Variants in LARS2 observed in about 807,000 individuals in gnomAD.
The protein encoded by LARS2 is leucyl-tRNA synthetase 2, mitochondrial.
LARS2 carries 81 observed loss-of-function variants against 116.6 expected under a neutral mutation model. The ratio of observed to expected loss-of-function variants is 0.69; its 90% CI spans 0.58 to 0.84. The LOEUF (loss-of-function observed/expected upper bound fraction) is 0.84, where lower values mean the gene tolerates loss of function less well. LARS2 is among the 40% of genes least tolerant of loss of function. The probability of loss-of-function intolerance (pLI) is 0.00; values close to 1 mark genes in which losing one functional copy is unlikely to be tolerated. For missense variants in LARS2, 968 were observed against 1,114.5 expected (o/e 0.87, Z 1.87); for synonymous variants, 396 against 407.2 (o/e 0.97, Z 0.33).
intron 7 of LARS2, among the ~76,000 whole-genome samples, chr3:45,451,397 A>T (rs1699125519): frequency 1.3e-5 from 2 of 151,252 alleles, no homozygotes; most frequent in South Asian, 4.2e-4. Flanking sequence ...AAAAATGGGG[A>T]TTTAGTTTCA....
At chr3:45,498,273 A>G (rs1432196897) in intron 14 of LARS2, among the ~76,000 whole-genome samples, 2 of 152,236 alleles carry the variant, frequency 1.3e-5, no homozygotes, top group Admixed American at 6.5e-5. Flanking sequence ...GACACACTGT[A>G]GTTAGCTTCA....
chr3:45,485,302 C>T (rs1699786048), intron 10 of LARS2, among the ~76,000 whole-genome samples: 1 of 152,196 alleles, frequency 6.6e-6, no homozygotes, highest in South Asian at 2.1e-4. Flanking sequence ...CTCTCCACTT[C>T]CATCTTCAAG....
At chr3:45,462,768 G>T (rs1699354359) in intron 8 of LARS2, among the ~76,000 whole-genome samples, 1 of 152,170 alleles carries the variant, frequency 6.6e-6, no homozygotes, top group Non-Finnish European at 1.5e-5. Context: ...GTCTTCTTGG[G>T]CGCATGGCTG....
rs892045700 is a variant in LARS2, at chr3:45,399,804, C to G, written c.235-441C>G. Among the ~76,000 whole-genome samples the G allele has an allele frequency of 5.3e-5, 8 of 151,896 alleles. No homozygotes were observed. The South Asian group carries it at 1.0e-3, about 20-fold the overall frequency. On this transcript the variant is annotated intron_variant, in intron 3 of 21. Coordinates refer to ENST00000645846, the MANE Select transcript of LARS2 (RefSeq NM_015340.4). ...CTTCACCCCCCTTTCCACCCTTCCC[C>G]CAAAGTCCCCAAAGTCCATTGTATC...
At chr3:45,448,660 T>C (rs1699060991) in intron 7 of LARS2, among the ~76,000 whole-genome samples, 1 of 152,224 alleles carries the variant, frequency 6.6e-6, no homozygotes, top group Admixed American at 6.5e-5. Context: ...GTATCCCTTA[T>C]GGGAAAGGAA....
At chr3:45,498,418 C>A (rs144688035) in intron 14 of LARS2, among the ~76,000 whole-genome samples, 1 of 152,364 alleles carries the variant, frequency 6.6e-6, no homozygotes, top group African/African-American at 2.4e-5. Flanking sequence ...ACTTTCCTTT[C>A]TTTTCTGTCG....
In LARS2 at chr3:45,444,171, A is replaced by ATTT. The variant is rs71095037; in HGVS notation, c.517-2707_517-2705dup. Among the ~76,000 whole-genome samples the ATTT allele has an allele frequency of 8.7e-3, 1,155 of 132,034 alleles. 15 individuals carry two copies. The highest frequency in any genetic ancestry group is 0.017 in the South Asian group (66 of 3,804). 86.6% of individuals were successfully genotyped at this position (132,034 alleles called of 152,430 possible). On this transcript the variant is annotated intron_variant, in intron 6 of 21. Coordinates refer to ENST00000645846, the MANE Select transcript of LARS2 (RefSeq NM_015340.4). Reference sequence around the variant, plus strand: ...AGGTGCCCACCACCATTCCTGGCTAATTTTTTTTTTTTTTTGTATTTTTAG... The same window carrying ATTT: ...AGGTGCCCACCACCATTCCTGGCTAATTTTTTTTTTTTTTTTTTGTATTTTTAG...
intron 7 of LARS2, among the ~76,000 whole-genome samples, chr3:45,449,305 G>A (rs1041613814): frequency 3.7e-4 from 56 of 152,024 alleles, no homozygotes; most frequent in African/African-American, 1.3e-3. Context: ...TGGGATTACA[G>A]GCATGCGCCA....
chr3:45,483,200 C>T (rs1699735932), intron 10 of LARS2, among the ~76,000 whole-genome samples: 1 of 152,184 alleles, frequency 6.6e-6, no homozygotes, highest in African/African-American at 2.4e-5. Flanking sequence ...GTATGTCTGT[C>T]CATGTGCCGT....
Position 45,424,662 on chromosome 3 carries a change from A to G in LARS2, c.516+4933A>G, listed in dbSNP as rs993030516. Among the ~76,000 whole-genome samples the G allele has an allele frequency of 4.6e-5, 7 of 152,128 alleles. No individual in the cohort carries two copies. In the East Asian group the frequency reaches 9.6e-4, roughly 21 times the overall value. Reference sequence around the variant, plus strand: ...TAGTAATCCTTCCATCTGTATTTTGATGCTTGTTTTTTTATTCTTTTCTTC... The same window carrying G: ...TAGTAATCCTTCCATCTGTATTTTGGTGCTTGTTTTTTTATTCTTTTCTTC... On this transcript the variant is annotated intron_variant, in intron 6 of 21. Coordinates refer to ENST00000645846, the MANE Select transcript of LARS2 (RefSeq NM_015340.4).
At chr3:45,495,224 C>G (rs1255137846) in intron 13 of LARS2, 1 of 152,238 alleles carries the variant, frequency 6.6e-6, no homozygotes, top group Non-Finnish European at 1.5e-5. Context: ...GCTTTCTTCA[C>G]TCTTCCATAA....
At chr3:45,454,461 C>T (rs554257918) in intron 7 of LARS2, among the ~76,000 whole-genome samples, 1 of 152,196 alleles carries the variant, frequency 6.6e-6, no homozygotes, top group East Asian at 1.9e-4. Context: ...TTGGAATGTC[C>T]AATTCCGTGA....
chr3:45,508,262 C>T lies in LARS2; in HGVS notation c.1761-4873C>T, dbSNP rs150916891. Among the ~76,000 whole-genome samples, 236 of 152,170 alleles carry T rather than the reference C, an allele frequency of 1.6e-3. 3 individuals carry two copies. The highest frequency in any genetic ancestry group is 3.4e-3 in the Middle Eastern group (1 of 292). On this transcript the variant is annotated intron_variant, in intron 15 of 21. Coordinates refer to ENST00000645846, the MANE Select transcript of LARS2 (RefSeq NM_015340.4). ...CGCCTGCTGACCGTGGAGAGCACAG[C>T]AAGCCCCTATCCACAGAGCTTTCTT...
intron 21 of LARS2, among the ~76,000 whole-genome samples, chr3:45,545,397 A>T (rs987894486): frequency 6.6e-6 from 1 of 152,232 alleles, no homozygotes; most frequent in Non-Finnish European, 1.5e-5. Flanking sequence ...GCCCCACAGC[A>T]TAGCAGCCTC....
chr3:45,484,108 G>A (rs560116698), intron 10 of LARS2: 1 of 151,610 alleles, frequency 6.6e-6, no homozygotes, highest in African/African-American at 2.4e-5. Flanking sequence ...TCAGGAAGCT[G>A]AGGTGGGAGG....
intron 6 of LARS2, among the ~76,000 whole-genome samples, chr3:45,437,453 C>G (rs116454327): frequency 0.021 from 3,121 of 152,226 alleles, 74 homozygotes; most frequent in African/African-American, 0.067. Flanking sequence ...AGGTTAGAGA[C>G]AGAACCTTGG....
intron 14 of LARS2, among the ~76,000 whole-genome samples, chr3:45,497,645 G>A (rs1406863041): frequency 6.6e-6 from 1 of 152,094 alleles, no homozygotes; most frequent in Non-Finnish European, 1.5e-5. Context: ...GGTGGCTCAC[G>A]CCTGTAATTC....
intron 6 of LARS2, among the ~76,000 whole-genome samples, chr3:45,443,550 T>C (rs1698950454): frequency 6.6e-6 from 1 of 152,110 alleles, no homozygotes; most frequent in South Asian, 2.1e-4. Context: ...TGGACATTAC[T>C]GAAGGTCGGT....
At chr3:45,496,418 T>C (rs776390737) in intron 14 of LARS2, 45 bp downstream of exon 14, 2 of 1,405,962 alleles carry the variant, frequency 1.4e-6, no homozygotes, top group Admixed American at 1.7e-5. Flanking sequence ...TCAGTGTGGC[T>C]CCTCCTAGAA....
Sources: gnomAD v4.1 joint callset for allele counts (sites outside exome capture counted in the v4.1 genomes callset) on GRCh38, gnomAD v4.1.1 for gene constraint, MANE v1.5 for transcripts, NCBI Gene and HGNC (gene_info 2026-07-23, HGNC 2026-07-21) for gene names.